Variants in ARHGEF10L observed in about 807,000 individuals in gnomAD.
ARHGEF10L encodes rho guanine nucleotide exchange factor 10-like protein.
A neutral mutation model predicts 141.2 loss-of-function variants in ARHGEF10L; 69 were observed. The observed-to-expected ratio is 0.49, with a 90% CI of 0.40 to 0.60. The LOEUF is 0.60. Among genes scored for constraint, ARHGEF10L ranks in the 20% least tolerant of loss-of-function variants. The probability of loss-of-function intolerance (pLI) is 0.00; values close to 1 mark genes in which losing one functional copy is unlikely to be tolerated. For synonymous variants in ARHGEF10L, 711 were observed against 718.5 expected, an observed-to-expected ratio of 0.99 and a Z score of 0.17; for missense variants, 1,482 against 1,734.3, an observed-to-expected ratio of 0.85 and a Z score of 2.58.
At position 17,587,618 on chromosome 1, in the gene ARHGEF10L, A is replaced by T. The variant is rs770934433; in HGVS notation, c.196A>T (p.Ile66Phe). The T allele has an allele frequency of 1.2e-6, 2 of 1,613,444 alleles. No homozygotes were observed. Among genetic ancestry groups the T allele is most frequent in the Middle Eastern group, 1.7e-4 (1 of 6,056 alleles). Residue 66 changes from isoleucine (I) to phenylalanine (F), a missense_variant, in exon 3 of 29, where the codon ATC becomes TTC. Ile to Phe is a conservative substitution (Grantham distance 21). Coordinates refer to ENST00000361221, the MANE Select transcript of ARHGEF10L (RefSeq NM_018125.4). The part of the protein sequence containing the change: ...APERDTDPPL[I>F]HLDSIPVTDP... The stretch of plus-strand genomic sequence containing the variant: ...TGAGAGGGACACAGACCCCCCACTG[A>T]TCCACTTGGACTCCATCCCTGTCAC...
intron 27 of ARHGEF10L, among the ~76,000 whole-genome samples, chr1:17,691,834 A>G (rs2065132146): frequency 6.6e-6 from 1 of 152,192 alleles, no homozygotes; most frequent in Admixed American, 6.5e-5. Flanking sequence ...TCATCCATCC[A>G]TCTGTCCATC....
intron 27 of ARHGEF10L, chr1:17,691,211 C>T (rs1363562244): frequency 2.4e-6 from 1 of 422,410 alleles, no homozygotes; most frequent in African/African-American, 2.1e-5. Flanking sequence ...AACACTGCCG[C>T]ATTAAGTCTC....
intron 21 of ARHGEF10L, among the ~76,000 whole-genome samples, chr1:17,642,470 G>A (rs1571196262): frequency 6.6e-6 from 1 of 152,210 alleles, no homozygotes. Context: ...GTGCATTATA[G>A]CATTGAGAGC....
intron 2 of ARHGEF10L, among the ~76,000 whole-genome samples, chr1:17,586,787 G>C (rs1457230783): frequency 6.6e-6 from 1 of 152,080 alleles, no homozygotes; most frequent in Non-Finnish European, 1.5e-5. Context: ...GGCGGGGACA[G>C]TCTCTCTGCT....
chr1:17,632,146 C>T (rs2060730259), intron 15 of ARHGEF10L, among the ~76,000 whole-genome samples, 175 bp from the exon 16 acceptor site: 1 of 152,202 alleles, frequency 6.6e-6, no homozygotes, highest in Non-Finnish European at 1.5e-5. Flanking sequence ...GTGTGGTCCT[C>T]TGGTCTTCCT....
the ARHGEF10L span, among the ~76,000 whole-genome samples, chr1:17,531,146 G>C: frequency 1.6e-4 from 25 of 152,334 alleles, no homozygotes; most frequent in African/African-American, 5.8e-4. Context: ...CAGTAAAAGT[G>C]GGGGCATCAT....
the ARHGEF10L span, among the ~76,000 whole-genome samples, chr1:17,525,256 C>A: frequency 6.6e-6 from 1 of 152,050 alleles, no homozygotes; most frequent in Non-Finnish European, 1.5e-5. Context: ...CTTAGTCTAC[C>A]CTGTCTCTCC....
In ARHGEF10L at chr1:17,627,564, G is replaced by GTGCCCC. The variant is rs2060456346; in HGVS notation, c.1584+68_1584+73dup. On this transcript the variant is annotated intron_variant, in intron 15 of 28. Transcript: ENST00000361221. The surrounding 1 kb of genome is among the most constrained non-coding windows in gnomAD (Gnocchi z 4.0). ...CCTGCCCTCACCTGTGCTCCTGCCCGTGCCCCTGCCCCACGCCACCCACAC... is the reference window on the plus strand; with the variant it reads ...CCTGCCCTCACCTGTGCTCCTGCCCGTGCCCCTGCCCCTGCCCCACGCCACCCACAC... 1 of 1,564,530 alleles carries GTGCCCC rather than the reference G, an allele frequency of 6.4e-7. No homozygotes were observed.
intron 25 of ARHGEF10L, 136 bp from the exon 26 acceptor site, chr1:17,664,311 G>A (rs1011754539): frequency 3.3e-4 from 328 of 997,658 alleles, no homozygotes; most frequent in Non-Finnish European, 4.4e-4. Context: ...CCACCCAGCT[G>A]ATGGAGAGAG....
At chr1:17,585,213 A>C (rs1276799384) in intron 2 of ARHGEF10L, among the ~76,000 whole-genome samples, 1 of 152,212 alleles carries the variant, frequency 6.6e-6, no homozygotes, top group African/African-American at 2.4e-5. Context: ...CTCCCACCCA[A>C]GCCCTTTCTG....
At chr1:17,587,135 A>C (rs563780800) in intron 2 of ARHGEF10L, among the ~76,000 whole-genome samples, 2 of 152,364 alleles carry the variant, frequency 1.3e-5, no homozygotes, top group Admixed American at 6.5e-5. Flanking sequence ...ACACACATGT[A>C]AAAAGACCCC....
intron 25 of ARHGEF10L, among the ~76,000 whole-genome samples, chr1:17,658,710 G>C (rs1485497977): frequency 6.6e-6 from 1 of 152,128 alleles, no homozygotes; most frequent in Non-Finnish European, 1.5e-5. Flanking sequence ...AGTCTATAGA[G>C]GGAGAGGGAA....
intron 2 of ARHGEF10L, among the ~76,000 whole-genome samples, chr1:17,586,249 G>C (rs570231042): frequency 6.6e-6 from 1 of 152,212 alleles, no homozygotes. Flanking sequence ...TTATTCTCCA[G>C]TTTGCAGAGG....
intron 4 of ARHGEF10L, among the ~76,000 whole-genome samples, chr1:17,599,815 CTT>C (rs540324523): frequency 6.8e-4 from 103 of 152,308 alleles, no homozygotes; most frequent in Admixed American, 2.4e-3. Flanking sequence ...GGGCAGGTGA[CTT>C]AGACCTGCAC....
In ARHGEF10L at chr1:17,615,243, C is replaced by G. The variant is rs762381404; in HGVS notation, c.727-851C>G. ...GTGCTGCTGTATGCTGGAGAAGATGCGGGTGCTAGGGCTGGGGCTTGGGAG... is the reference window on the plus strand; with the variant it reads ...GTGCTGCTGTATGCTGGAGAAGATGGGGGTGCTAGGGCTGGGGCTTGGGAG... On this transcript the variant is annotated intron_variant, in intron 8 of 28. Transcript: ENST00000361221. This position sits in a 1 kb window ranked among gnomAD's most constrained non-coding sequence, Gnocchi z 4.7. The G allele has an allele frequency of 6.6e-6, 1 of 152,266 alleles. No individual in the cohort carries two copies. The highest frequency in any genetic ancestry group is 6.5e-5 in the Admixed American group (1 of 15,268). The allele number at this position is 152,266 out of a possible 1,614,324, so 9.4% of individuals were successfully genotyped here.
chr1:17,649,433 G>C (rs984721911), intron 22 of ARHGEF10L, among the ~76,000 whole-genome samples: 1 of 152,202 alleles, frequency 6.6e-6, no homozygotes, highest in African/African-American at 2.4e-5. Flanking sequence ...GCACCAGTTG[G>C]GGACCCAGGC....
At chr1:17,648,777 C>A in intron 22 of ARHGEF10L, 102 bp downstream of exon 22, 1 of 1,471,326 alleles carries the variant, frequency 6.8e-7, no homozygotes, top group Non-Finnish European at 9.1e-7. Flanking sequence ...GCAGGGAAGG[C>A]TCAGGTTCCA....
chr1:17,598,923 G>A lies in ARHGEF10L; in HGVS notation c.258-3204G>A, dbSNP rs149950551. On this transcript the variant is annotated intron_variant, in intron 4 of 28. Coordinates refer to ENST00000361221, the MANE Select transcript of ARHGEF10L (RefSeq NM_018125.4). The stretch of plus-strand genomic sequence containing the variant: ...AACAATAGAAGCTTTGCAGGTAGAC[G>A]TAGTGTAAGATCCCAGCTCCCACTA... 1.9e-4 allele frequency among the ~76,000 whole-genome samples: 29 copies of A among 152,314 alleles called. No individual in the cohort carries two copies. The South Asian group carries it at 2.7e-3, about 14-fold the overall frequency.
intron 1 of ARHGEF10L, among the ~76,000 whole-genome samples, chr1:17,579,362 T>G (rs530062702): frequency 6.6e-6 from 1 of 152,190 alleles, no homozygotes; most frequent in Non-Finnish European, 1.5e-5. Flanking sequence ...ATCGTTTGAG[T>G]CTTGAAAGGT....
Sources: gnomAD v4.1 joint callset for allele counts (sites outside exome capture counted in the v4.1 genomes callset) on GRCh38, gnomAD v4.1.1 for gene constraint, Gnocchi (gnomAD v3.1) non-coding constraint, MANE v1.5 for transcripts, NCBI Gene and HGNC (gene_info 2026-07-23, HGNC 2026-07-21) for gene names.